Variants in VPS13B observed in about 807,000 individuals in gnomAD.
VPS13B encodes vacuolar protein sorting 13 homolog B, also known as intermembrane lipid transfer protein VPS13B.
In VPS13B, 285 loss-of-function variants were observed where a neutral mutation model predicts 426.4. The observed-to-expected ratio is 0.67, with a 90% CI of 0.61 to 0.74. The LOEUF (loss-of-function observed/expected upper bound fraction) is 0.74. Among genes scored for constraint, VPS13B ranks in the 30% least tolerant of loss-of-function variants. The pLI is 0.00. For synonymous variants in VPS13B, 1,676 were observed against 1,676.4 expected (o/e 1.00, Z 0.01); for missense variants, 4,537 against 4,782.6 (o/e 0.95, Z 1.51).
intron 21 of VPS13B, among the ~76,000 whole-genome samples, chr8:99,403,930 G>C (rs1815189078): frequency 6.6e-6 from 1 of 152,210 alleles, no homozygotes; most frequent in South Asian, 2.1e-4. Flanking sequence ...GAAAAGACAT[G>C]AGATGCATAA....
chr8:99,740,944 T>A (rs892041260), intron 39 of VPS13B, among the ~76,000 whole-genome samples: 10 of 152,102 alleles, frequency 6.6e-5, no homozygotes, highest in African/African-American at 2.4e-4. Flanking sequence ...GCTAACATCA[T>A]AATGACAGGA....
chr8:99,466,382 C>T (rs922005159), intron 23 of VPS13B, among the ~76,000 whole-genome samples: 5 of 151,968 alleles, frequency 3.3e-5, no homozygotes, highest in East Asian at 1.9e-4. Flanking sequence ...AAATGATGTT[C>T]GTGTTATACT....
chr8:99,360,286 C>CT lies in VPS13B; in HGVS notation c.2825-23913dup, dbSNP rs1267102610. ...TCCTTCCTTCCTTCCTTCCTTCTTT[C>CT]TTTTTTTTTGTTATGGAGTCTCACT... On this transcript the variant is annotated intron_variant, in intron 19 of 61. Coordinates refer to ENST00000357162, the MANE Select transcript of VPS13B (RefSeq NM_152564.5). Among the ~76,000 whole-genome samples the CT allele has an allele frequency of 7.7e-4, 94 of 121,508 alleles. 2 individuals are homozygous for CT. Among genetic ancestry groups the CT allele is most frequent in the African/African-American group, 2.9e-3 (88 of 30,708 alleles). 79.7% of individuals were successfully genotyped at this position (121,508 alleles called of 152,430 possible). A position where few individuals can be genotyped will look rare whatever the true frequency, so the allele number is the denominator to read the frequency against.
At chr8:99,768,246 A>T (rs1380996203) in intron 40 of VPS13B, among the ~76,000 whole-genome samples, 1 of 152,122 alleles carries the variant, frequency 6.6e-6, no homozygotes, top group African/African-American at 2.4e-5. Context: ...TATTCCTTTT[A>T]TGTAATACCT....
At chr8:99,541,804 C>T (rs1488946128) in intron 30 of VPS13B, among the ~76,000 whole-genome samples, 4 of 152,028 alleles carry the variant, frequency 2.6e-5, no homozygotes, top group African/African-American at 9.7e-5. Context: ...GTGATCTGTT[C>T]TCAGCTTTAT....
At chr8:99,823,199 G>A (rs1317847051) in intron 50 of VPS13B, among the ~76,000 whole-genome samples, 1 of 152,116 alleles carries the variant, frequency 6.6e-6, no homozygotes, top group Non-Finnish European at 1.5e-5. Context: ...TTGTGACCTT[G>A]GGGAAGTTAC....
chr8:99,785,035 G>A (rs1243193592), intron 43 of VPS13B, among the ~76,000 whole-genome samples: 1 of 152,088 alleles, frequency 6.6e-6, no homozygotes. Flanking sequence ...CAATGACAGT[G>A]AAAAACTATG....
At chr8:99,864,013 T>C (rs1275647262) in intron 58 of VPS13B, among the ~76,000 whole-genome samples, 1 of 152,212 alleles carries the variant, frequency 6.6e-6, no homozygotes, top group African/African-American at 2.4e-5. Flanking sequence ...CCAGCTTCCT[T>C]TCCTGTAAGA....
chr8:99,292,203 G>A (rs1339535050), intron 19 of VPS13B, among the ~76,000 whole-genome samples: 1 of 152,052 alleles, frequency 6.6e-6, no homozygotes, highest in Admixed American at 6.6e-5. Flanking sequence ...TGTTAACAAA[G>A]CATGGCATAA....
intron 19 of VPS13B, among the ~76,000 whole-genome samples, chr8:99,373,328 TAA>T (rs537637668): frequency 3.6e-5 from 5 of 140,838 alleles, no homozygotes; most frequent in Admixed American, 7.1e-5. Context: ...GAAGTAAAAT[TAA>T]AAAAAAAAAA....
chr8:99,166,916 A>G (rs1190125863), intron 15 of VPS13B, among the ~76,000 whole-genome samples: 1 of 152,206 alleles, frequency 6.6e-6, no homozygotes, highest in Non-Finnish European at 1.5e-5. Context: ...ATTGTGAGAA[A>G]GATTGTTTAT....
At chr8:99,512,334 TAAAC>T (rs1331450546) in intron 29 of VPS13B, among the ~76,000 whole-genome samples, 3 of 152,210 alleles carry the variant, frequency 2.0e-5, no homozygotes, top group Admixed American at 6.5e-5. Context: ...TTACAAGTGA[TAAAC>T]AACTCGCTAA....
intron 28 of VPS13B, among the ~76,000 whole-genome samples, chr8:99,510,441 T>G (rs544425276): frequency 1.3e-5 from 2 of 152,326 alleles, no homozygotes; most frequent in Admixed American, 1.3e-4. Context: ...TGACAGCCTC[T>G]TAGTACTCAT....
intron 24 of VPS13B, among the ~76,000 whole-genome samples, chr8:99,471,143 T>C (rs1171745146): frequency 6.6e-6 from 1 of 152,058 alleles, no homozygotes; most frequent in Non-Finnish European, 1.5e-5. Flanking sequence ...CTACAAGAAA[T>C]GCTAAAGGAA....
At chr8:99,692,990 A>C (rs1335695550) in intron 35 of VPS13B, among the ~76,000 whole-genome samples, 2 of 148,442 alleles carry the variant, frequency 1.3e-5, no homozygotes, top group African/African-American at 2.5e-5. Flanking sequence ...CCAAGACTAA[A>C]CCAGGAAGAA....
intron 17 of VPS13B, among the ~76,000 whole-genome samples, chr8:99,257,631 C>T (rs932716841): frequency 9.9e-5 from 15 of 152,042 alleles, no homozygotes; most frequent in African/African-American, 3.6e-4. Context: ...TCTTTTATTT[C>T]TTTCAGCTAG....
At chr8:99,024,274 G>A (rs750372248) in intron 2 of VPS13B, among the ~76,000 whole-genome samples, 4 of 152,344 alleles carry the variant, frequency 2.6e-5, no homozygotes, top group South Asian at 4.1e-4. Context: ...GTGTGAGAGC[G>A]TGTTTGTGTG....
intron 29 of VPS13B, among the ~76,000 whole-genome samples, chr8:99,516,186 T>C (rs1822058874): frequency 6.6e-6 from 1 of 152,214 alleles, no homozygotes; most frequent in Non-Finnish European, 1.5e-5. Context: ...TTAATTTAAA[T>C]AATCATAATT....
intron 19 of VPS13B, among the ~76,000 whole-genome samples, chr8:99,335,518 A>G (rs1810793119): frequency 6.6e-6 from 1 of 152,122 alleles, no homozygotes; most frequent in African/African-American, 2.4e-5. Flanking sequence ...GGCCAGGGCA[A>G]TTAGGCAGGA....
Sources: gnomAD v4.1 joint callset for allele counts (sites outside exome capture counted in the v4.1 genomes callset) on GRCh38, gnomAD v4.1.1 for gene constraint, MANE v1.5 for transcripts, NCBI Gene and HGNC (gene_info 2026-07-23, HGNC 2026-07-21) for gene names.